Variants in ERICH6 observed in about 807,000 individuals in gnomAD.
ERICH6 encodes glutamate-rich protein 6.
A neutral mutation model predicts 71.0 loss-of-function variants in ERICH6; 71 were observed. The ratio of observed to expected loss-of-function variants is 1.00; its 90% CI spans 0.83 to 1.22. ERICH6 has a LOEUF of 1.22. Among genes scored for constraint, ERICH6 ranks in the 50% most tolerant of loss-of-function variants. ERICH6 has a pLI of 0.00. For synonymous variants in ERICH6, 262 were observed against 278.4 expected (o/e 0.94, Z 0.59); for missense variants, 808 against 797.2 (o/e 1.01, Z -0.16).
chr3:150,676,820 T>TC (rs1438360645), intron 10 of ERICH6, among the ~76,000 whole-genome samples: 4 of 150,186 alleles, frequency 2.7e-5, no homozygotes, highest in Non-Finnish European at 4.5e-5. Flanking sequence ...AAAAAAAAAT[T>TC]TTTTTTTTTT....
intron 3 of ERICH6, among the ~76,000 whole-genome samples, chr3:150,698,185 T>C (rs1423497027): frequency 6.6e-6 from 1 of 151,702 alleles, no homozygotes; most frequent in Non-Finnish European, 1.5e-5. Flanking sequence ...CTCTATATTG[T>C]TGCCATCACC....
intron 3 of ERICH6, 125 bp downstream of exon 3, chr3:150,698,666 A>G: frequency 1.4e-6 from 1 of 698,284 alleles, no homozygotes; most frequent in Non-Finnish European, 2.4e-6. Context: ...AACTTGCCCA[A>G]CATCACAAGG....
At chr3:150,680,673 T>A in intron 8 of ERICH6, 100 bp downstream of exon 8, 1 of 1,552,592 alleles carries the variant, frequency 6.4e-7, no homozygotes, top group Non-Finnish European at 8.7e-7. Context: ...AGGAAATACA[T>A]CTTCAAAGTT....
At chr3:150,687,794 A>G (rs1045968163) in intron 3 of ERICH6, among the ~76,000 whole-genome samples, 5 of 152,178 alleles carry the variant, frequency 3.3e-5, no homozygotes, top group African/African-American at 9.7e-5. Context: ...CAGGAGAGCA[A>G]GGGCTGCTGT....
chr3:150,690,157 G>T (rs1712370122), intron 3 of ERICH6, among the ~76,000 whole-genome samples: 1 of 152,142 alleles, frequency 6.6e-6, no homozygotes, highest in Admixed American at 6.6e-5. Flanking sequence ...GGTAGTCCCT[G>T]TCTAAATGAA....
intron 7 of ERICH6, among the ~76,000 whole-genome samples, chr3:150,681,807 CTTTTTTTTTTTTTT>C (rs34909258): frequency 1.3e-4 from 9 of 70,278 alleles, no homozygotes; most frequent in Admixed American, 1.1e-3. Context: ...ACACATAACT[CTTTTTTTTTTTTTT>C]TTTTTTTTTT....
intron 12 of ERICH6, 85 bp from the exon 13 acceptor site, chr3:150,667,100 G>A (rs1169333935): frequency 1.5e-6 from 2 of 1,304,382 alleles, no homozygotes; most frequent in East Asian, 4.6e-5. Context: ...CTAACCAAGG[G>A]GAGTAACGGT....
chr3:150,667,918 A>G (rs1576547390), intron 12 of ERICH6, among the ~76,000 whole-genome samples: 2 of 152,208 alleles, frequency 1.3e-5, no homozygotes, highest in Admixed American at 6.5e-5. Context: ...CTCTTTCTAA[A>G]AAGTTCAAAA....
Position 150,703,873 on chromosome 3 carries a change from C to T in ERICH6, c.26G>A (p.Gly9Asp). The T allele has an allele frequency of 1.9e-6, 3 of 1,612,576 alleles. No individual in the cohort carries two copies. Among genetic ancestry groups the T allele is most frequent in the Non-Finnish European group, 2.5e-6 (3 of 1,179,846 alleles). Residue 9 changes from glycine to aspartate, a missense_variant, in exon 1 of 14, where the codon GGC becomes GAC. Physicochemically the swap from Gly to Asp is moderately conservative, Grantham distance 94. Around this residue, in one of 3 missense-constraint regions of ERICH6, gnomAD observed 53 missense variants for 40.6 expected, o/e 1.30. Transcript: ENST00000295910. ...GTCCTTCTTCCCCGGGTCTCCGAAG[C>T]CGCTAGGCGAGCGCAAGTGGGCCAT... Reference protein sequence around the residue: MAHLRSPSGFGDPGKKDQK... With the variant: MAHLRSPSDFGDPGKKDQK...
In ERICH6 at chr3:150,686,029, G is replaced by A. The variant is rs776725443; in HGVS notation, c.611-8C>T. ...GATTAATTACCCATTTTTCTGGAGA[G>A]AAAGAATAGATTCATAAGAAATGTT... On this transcript the variant is annotated splice_polypyrimidine_tract_variant and splice_region_variant and intron_variant, in intron 4 of 13. Coordinates refer to ENST00000295910, the MANE Select transcript of ERICH6 (RefSeq NM_152394.5). The A allele has an allele frequency of 6.3e-7, 1 of 1,592,434 alleles. No homozygotes were observed. The highest frequency in any genetic ancestry group is 8.6e-7 in the Non-Finnish European group (1 of 1,160,520).
intron 6 of ERICH6, among the ~76,000 whole-genome samples, chr3:150,683,934 G>C (rs1233832996): frequency 1.3e-5 from 2 of 152,186 alleles, no homozygotes; most frequent in East Asian, 3.8e-4. Flanking sequence ...AGCCAGCCTC[G>C]TCCAAGTGCC....
intron 1 of ERICH6, among the ~76,000 whole-genome samples, chr3:150,702,801 G>A (rs1576566790): frequency 6.7e-6 from 1 of 149,196 alleles, no homozygotes; most frequent in Non-Finnish European, 1.5e-5. Context: ...AGCACAGGAT[G>A]TTAAACACAA....
chr3:150,680,334 T>G, intron 9 of ERICH6, 134 bp downstream of exon 9: 1 of 866,314 alleles, frequency 1.2e-6, no homozygotes, highest in Non-Finnish European at 1.8e-6. Flanking sequence ...TCCCAAAGTG[T>G]TGGGATTACA....
At chr3:150,686,644 T>G (rs958678363) in intron 3 of ERICH6, among the ~76,000 whole-genome samples, 1 of 152,242 alleles carries the variant, frequency 6.6e-6, no homozygotes, top group Non-Finnish European at 1.5e-5. Context: ...AGTGGATGCC[T>G]GAAACTGCAG....
intron 6 of ERICH6, among the ~76,000 whole-genome samples, chr3:150,683,972 C>T (rs895077182): frequency 1.3e-5 from 2 of 152,186 alleles, no homozygotes; most frequent in Admixed American, 6.5e-5. Flanking sequence ...GGGGAGAAGC[C>T]GCAAGGCCTT....
intron 10 of ERICH6, among the ~76,000 whole-genome samples, chr3:150,676,809 T>TA (rs143226357): frequency 0.096 from 14,553 of 150,920 alleles, 1,507 homozygotes; most frequent in African/African-American, 0.27. Flanking sequence ...GCTAATTAAT[T>TA]AAAAAAAAAT....
At chr3:150,686,895 G>A (rs890161213) in intron 3 of ERICH6, among the ~76,000 whole-genome samples, 2 of 152,200 alleles carry the variant, frequency 1.3e-5, no homozygotes, top group African/African-American at 4.8e-5. Context: ...TGAGGGCTAG[G>A]TGCAGTGGCT....
intron 10 of ERICH6, among the ~76,000 whole-genome samples, chr3:150,675,808 A>G (rs1463156241): frequency 1.3e-5 from 2 of 150,070 alleles, no homozygotes; most frequent in Non-Finnish European, 3.0e-5. Flanking sequence ...TTTTAAATGT[A>G]ACCTGAACTT....
At chr3:150,684,670 T>C (rs1188672314) in intron 6 of ERICH6, among the ~76,000 whole-genome samples, 1 of 152,214 alleles carries the variant, frequency 6.6e-6, no homozygotes, top group Non-Finnish European at 1.5e-5. Flanking sequence ...CACCATCTTA[T>C]TGGAATACTT....
Sources: gnomAD v4.1 joint callset for allele counts (sites outside exome capture counted in the v4.1 genomes callset) on GRCh38, gnomAD v4.1.1 for gene constraint, gnomAD v4.1.1 regional missense constraint, MANE v1.5 for transcripts, NCBI Gene and HGNC (gene_info 2026-07-23, HGNC 2026-07-21) for gene names.